The following PARD3 variants were observed in gnomAD, a reference collection of about 807,000 sequenced individuals.
The protein encoded by PARD3 is par-3 family cell polarity regulator, also known as partitioning defective 3 homolog.
A neutral mutation model predicts 155.4 loss-of-function variants in PARD3; 75 were observed. The observed-to-expected ratio is 0.48, with a 90% CI of 0.40 to 0.58. The LOEUF (loss-of-function observed/expected upper bound fraction) is 0.58, where lower values mean the gene tolerates loss of function less well. Among genes scored for constraint, PARD3 ranks in the 20% least tolerant of loss-of-function variants. PARD3 has a pLI of 0.00. For synonymous variants in PARD3, 576 were observed against 610.5 expected (o/e 0.94, Z 0.83); for missense variants, 1,642 against 1,721.7 (o/e 0.95, Z 0.82).
intron 5 of PARD3, among the ~76,000 whole-genome samples, chr10:34,414,813 T>C (rs1042100275): frequency 1.3e-5 from 2 of 148,478 alleles, no homozygotes; most frequent in Non-Finnish European, 3.0e-5. Flanking sequence ...AAGTATTATA[T>C]ATTTAGAAAA....
At chr10:34,146,863 C>A (rs1387889618) in intron 22 of PARD3, among the ~76,000 whole-genome samples, 1 of 152,178 alleles carries the variant, frequency 6.6e-6, no homozygotes, top group Non-Finnish European at 1.5e-5. Context: ...TCCAGCACAT[C>A]CCCACCAGTA....
Position 34,526,702 on chromosome 10 carries a change from T to C in PARD3, c.223-9543A>G, listed in dbSNP as rs534219949. 3.9e-5 allele frequency among the ~76,000 whole-genome samples: 6 copies of C among 152,278 alleles called. No homozygotes were observed. In the South Asian group the frequency reaches 1.0e-3, roughly 26 times the overall value. ...CCCACACACCACCCTCAAACCCTCC[T>C]CCTGCTGTGCCACCAGCAAGTTACG... On this transcript the variant is annotated intron_variant, in intron 2 of 24. Transcript: ENST00000374788.
Position 34,699,343 on chromosome 10 carries a change from T to C in PARD3, c.121-2924A>G, listed in dbSNP as rs189350607. On this transcript the variant is annotated intron_variant, in intron 1 of 24. Coordinates refer to ENST00000374788, the MANE Select transcript of PARD3 (RefSeq NM_001184785.2). ...GCATTAAAAATAAAAAAATAATAAA[T>C]AAAACATAAAAAATAAACATATAAA... 3.5e-3 allele frequency among the ~76,000 whole-genome samples: 525 copies of C among 151,946 alleles called. 3 individuals carry two copies. Among genetic ancestry groups the C allele is most frequent in the Non-Finnish European group, 3.7e-3 (251 of 67,938 alleles).
intron 1 of PARD3, among the ~76,000 whole-genome samples, chr10:34,795,093 A>T (rs186944898): frequency 5.9e-4 from 90 of 152,230 alleles, no homozygotes; most frequent in African/African-American, 2.0e-3. Flanking sequence ...CTTCTTCCTG[A>T]CTCTTGGGAT....
At chr10:34,517,190 A>G (rs1339648639) in intron 2 of PARD3, 31 bp from the exon 3 acceptor site, 1 of 1,590,438 alleles carries the variant, frequency 6.3e-7, no homozygotes, top group Non-Finnish European at 8.6e-7. Flanking sequence ...TGCACTTATA[A>G]ATAAAGGCAC....
intron 5 of PARD3, 77 bp downstream of exon 5, chr10:34,450,240 G>T: frequency 1.5e-6 from 2 of 1,337,064 alleles, no homozygotes; most frequent in South Asian, 2.8e-5. Context: ...ACCAGTGATT[G>T]AGATGGGAGA....
At chr10:34,749,838 T>C (rs779068322) in intron 1 of PARD3, among the ~76,000 whole-genome samples, 5 of 152,046 alleles carry the variant, frequency 3.3e-5, no homozygotes, top group Non-Finnish European at 7.4e-5. Context: ...CTGCGCAACA[T>C]GGTGAAACCC....
At chr10:34,734,459 C>T (rs1564560798) in intron 1 of PARD3, among the ~76,000 whole-genome samples, 1 of 149,964 alleles carries the variant, frequency 6.7e-6, no homozygotes, top group Non-Finnish European at 1.5e-5. Flanking sequence ...CTTCAGCCTC[C>T]ATAGTAGCTG....
At chr10:34,413,243 G>T (rs1335842345) in intron 5 of PARD3, among the ~76,000 whole-genome samples, 1 of 151,204 alleles carries the variant, frequency 6.6e-6, no homozygotes, top group Non-Finnish European at 1.5e-5. Context: ...AGGACGGTAG[G>T]TATATTTTTA....
chr10:34,278,838 C>G (rs1162644871), intron 21 of PARD3, among the ~76,000 whole-genome samples: 1 of 152,152 alleles, frequency 6.6e-6, no homozygotes, highest in Non-Finnish European at 1.5e-5. Flanking sequence ...TGTGAAACAA[C>G]AAAACCAGTT....
At chr10:34,201,263 C>T (rs1445379192) in intron 22 of PARD3, among the ~76,000 whole-genome samples, 1 of 152,124 alleles carries the variant, frequency 6.6e-6, no homozygotes, top group African/African-American at 2.4e-5. Flanking sequence ...TGTGGCATAC[C>T]GCACTCAATG....
intron 21 of PARD3, among the ~76,000 whole-genome samples, chr10:34,278,847 TTG>T (rs1956018330): frequency 6.6e-6 from 1 of 152,208 alleles, no homozygotes; most frequent in African/African-American, 2.4e-5. Flanking sequence ...ACAAAACCAG[TTG>T]TCTTATACTG....
intron 5 of PARD3, among the ~76,000 whole-genome samples, chr10:34,425,034 T>A (rs2075521657): frequency 6.6e-6 from 1 of 152,172 alleles, no homozygotes; most frequent in Non-Finnish European, 1.5e-5. Context: ...CTGTGAGCCA[T>A]TTTTAATGTC....
chr10:34,272,769 T>C (rs1038672826), intron 21 of PARD3, among the ~76,000 whole-genome samples: 4 of 151,840 alleles, frequency 2.6e-5, no homozygotes, highest in Non-Finnish European at 5.9e-5. Context: ...AACAAACCCC[T>C]GAAACCTCAA....
chr10:34,135,215 A>G (rs1947829534), intron 22 of PARD3, among the ~76,000 whole-genome samples: 1 of 152,196 alleles, frequency 6.6e-6, no homozygotes, highest in Non-Finnish European at 1.5e-5. Context: ...TTTCTGTATA[A>G]AACATCCACA....
At chr10:34,600,962 A>ATTTTTT (rs1028271994) in intron 2 of PARD3, among the ~76,000 whole-genome samples, 5 of 90,064 alleles carry the variant, frequency 5.6e-5, no homozygotes, top group Admixed American at 1.4e-4. Flanking sequence ...CATTTTTTTA[A>ATTTTTT]TTTTTTTTTT....
intron 20 of PARD3, among the ~76,000 whole-genome samples, chr10:34,296,348 A>G (rs1034986209): frequency 1.3e-5 from 2 of 152,054 alleles, no homozygotes; most frequent in African/African-American, 4.8e-5. Flanking sequence ...CTGCCGCCTC[A>G]GCCTCCTGAG....
At chr10:34,616,341 A>T (rs1469500786) in intron 2 of PARD3, among the ~76,000 whole-genome samples, 2 of 152,156 alleles carry the variant, frequency 1.3e-5, no homozygotes, top group Admixed American at 6.5e-5. Context: ...AAATTAAAAA[A>T]AGCAGAACAA....
At chr10:34,190,692 G>T (rs1441306805) in intron 22 of PARD3, among the ~76,000 whole-genome samples, 3 of 152,140 alleles carry the variant, frequency 2.0e-5, no homozygotes, top group Non-Finnish European at 4.4e-5. Context: ...CAACTCTTCA[G>T]TGTACTGCAT....
Sources: allele counts gnomAD v4.1 joint callset (sites outside exome capture counted in the v4.1 genomes callset), GRCh38; gene constraint gnomAD v4.1.1; transcripts MANE v1.5; gene names NCBI Gene and HGNC (gene_info 2026-07-23, HGNC 2026-07-21).